CCDC12: variants seen among roughly 807,000 people sequenced by gnomAD.
CCDC12 encodes the protein coiled-coil domain-containing protein 12.
CCDC12 carries 28 observed loss-of-function variants against 25.7 expected under a neutral mutation model. The ratio of observed to expected loss-of-function variants is 1.09; its 90% CI spans 0.81 to 1.50. The LOEUF is 1.50. Among genes scored for constraint, CCDC12 ranks in the 40% most tolerant of loss-of-function variants. The pLI is 0.00. For synonymous variants in CCDC12, 75 were observed against 87.7 expected, an observed-to-expected ratio of 0.86 and a Z score of 0.81; for missense variants, 198 against 210.0, an observed-to-expected ratio of 0.94 and a Z score of 0.35.
chr3:46,925,567 A>T (rs1435576126), intron 2 of CCDC12, 32 bp from the exon 3 acceptor site: 1 of 1,493,960 alleles, frequency 6.7e-7, no homozygotes, highest in Non-Finnish European at 9.1e-7. Flanking sequence ...GCAGAGATGA[A>T]GTCAGTGTGT....
At chr3:46,938,871 T>G (rs1403978604) in intron 2 of CCDC12, among the ~76,000 whole-genome samples, 1 of 151,682 alleles carries the variant, frequency 6.6e-6, no homozygotes, top group Non-Finnish European at 1.5e-5. Context: ...AAAAAAAAAA[T>G]CACACATCAT....
chr3:46,974,479 C>T (rs1477575659), intron 1 of CCDC12, among the ~76,000 whole-genome samples: 7 of 152,310 alleles, frequency 4.6e-5, no homozygotes, highest in African/African-American at 1.7e-4. Flanking sequence ...GCCCCAATAA[C>T]CTGCCCTAAA....
chr3:46,966,256 T>C (rs1222485267), intron 1 of CCDC12: 1 of 152,406 alleles, frequency 6.6e-6, no homozygotes, highest in African/African-American at 2.4e-5. Flanking sequence ...CTCACGCCTA[T>C]AATCCCAACA....
chr3:46,940,286 G>A (rs930383806), intron 2 of CCDC12, among the ~76,000 whole-genome samples: 3 of 152,204 alleles, frequency 2.0e-5, no homozygotes, highest in African/African-American at 7.2e-5. Context: ...CCTCAAGACT[G>A]CGGGGGAAGA....
intron 1 of CCDC12, among the ~76,000 whole-genome samples, chr3:46,969,662 C>A (rs13077120): frequency 1.0e-3 from 154 of 152,314 alleles, no homozygotes; most frequent in South Asian, 1.7e-3. Flanking sequence ...ATGAATATGG[C>A]CAACTTCCAA....
intron 1 of CCDC12, among the ~76,000 whole-genome samples, chr3:46,941,837 C>T (rs1025921044): frequency 3.3e-5 from 5 of 152,294 alleles, no homozygotes; most frequent in Middle Eastern, 6.8e-3. Flanking sequence ...ACCTTTCAGG[C>T]CAGAGTCCTC....
At chr3:46,950,807 C>T (rs2034088564) in intron 1 of CCDC12, among the ~76,000 whole-genome samples, 1 of 151,976 alleles carries the variant, frequency 6.6e-6, no homozygotes, top group Non-Finnish European at 1.5e-5. Context: ...CAATGAAATA[C>T]TATTCAGGCT....
intron 2 of CCDC12, among the ~76,000 whole-genome samples, chr3:46,928,989 CA>C (rs200066639): frequency 2.0e-5 from 3 of 148,162 alleles, no homozygotes; most frequent in African/African-American, 2.5e-5. Context: ...GACCCTGTCT[CA>C]AAAAAAAAGC....
chr3:46,933,254 T>C (rs966724855), intron 2 of CCDC12, among the ~76,000 whole-genome samples: 3 of 152,198 alleles, frequency 2.0e-5, no homozygotes, highest in African/African-American at 7.2e-5. Flanking sequence ...TCCTCAGCCC[T>C]AAAAATTACA....
intron 1 of CCDC12, among the ~76,000 whole-genome samples, chr3:46,972,850 C>T (rs1033334912): frequency 6.6e-6 from 1 of 151,890 alleles, no homozygotes; most frequent in African/African-American, 2.4e-5. Context: ...GCCTTGCACA[C>T]TGCTGCTGGG....
At position 46,941,009 on chromosome 3, in the gene CCDC12, G is replaced by A. The variant is rs550041993; in HGVS notation, c.153C>T (p.Gly51=). Reference sequence around the variant, plus strand: ...CACACGGGCATTACCTGTGCTTCTCGCCTTCTTCCTCCTCTTCTCTGAGAT... The same window carrying A: ...CACACGGGCATTACCTGTGCTTCTCACCTTCTTCCTCCTCTTCTCTGAGAT... The part of the protein sequence containing the change: ...TKHLREEEEE[G]EKHRELRLRN... The change falls in exon 2 of 7, where the codon GGC becomes GGT. Residue 51 remains glycine, a synonymous_variant. Coordinates refer to ENST00000683445, the MANE Select transcript of CCDC12 (RefSeq NM_001277074.2). 1.1e-5 allele frequency: 18 copies of A among 1,614,132 alleles called. No homozygotes were observed. Among genetic ancestry groups the A allele is most frequent in the East Asian group, 4.5e-5 (2 of 44,874 alleles).
chr3:46,955,669 C>G (rs2034268301), intron 1 of CCDC12, among the ~76,000 whole-genome samples: 1 of 152,162 alleles, frequency 6.6e-6, no homozygotes, highest in Admixed American at 6.5e-5. Context: ...CACTGAGAAC[C>G]TGGAGGACAG....
chr3:46,939,567 G>A (rs1234044846), intron 2 of CCDC12, among the ~76,000 whole-genome samples: 1 of 152,180 alleles, frequency 6.6e-6, no homozygotes, highest in Non-Finnish European at 1.5e-5. Flanking sequence ...TGGCAAAGGA[G>A]CAACTAACTG....
chr3:46,958,077 GGCCTTTCCTGA>G (rs1460757169), intron 1 of CCDC12, among the ~76,000 whole-genome samples: 1 of 151,702 alleles, frequency 6.6e-6, no homozygotes, highest in African/African-American at 2.4e-5. Context: ...GTTTGGCCTA[GGCCTTTCCTGA>G]GCCTTGAAGC....
At chr3:46,971,068 T>C (rs969369054) in intron 1 of CCDC12, among the ~76,000 whole-genome samples, 5 of 152,216 alleles carry the variant, frequency 3.3e-5, no homozygotes, top group African/African-American at 1.2e-4. Context: ...TCAAACTCCC[T>C]GGAGCATCTC....
chr3:46,940,186 C>T (rs2033643408), intron 2 of CCDC12, among the ~76,000 whole-genome samples: 1 of 152,216 alleles, frequency 6.6e-6, no homozygotes, highest in African/African-American at 2.4e-5. Flanking sequence ...CTTTGCCTCG[C>T]TCACCCCACA....
chr3:46,931,685 G>A (rs2033222607), intron 2 of CCDC12, among the ~76,000 whole-genome samples: 1 of 152,134 alleles, frequency 6.6e-6, no homozygotes, highest in Non-Finnish European at 1.5e-5. Context: ...CCTCCACCTG[G>A]CCACCCTGGT....
upstream of CCDC12, among the ~76,000 whole-genome samples, chr3:46,980,654 A>G (rs1022851116): frequency 6.6e-5 from 10 of 152,010 alleles, no homozygotes; most frequent in African/African-American, 2.4e-4. Flanking sequence ...TGAGCTCCCC[A>G]CCCATCTCAG....
At chr3:46,976,231 G>T in intron 1 of CCDC12, 1 of 817,850 alleles carries the variant, frequency 1.2e-6, no homozygotes, top group Non-Finnish European at 1.5e-6. Flanking sequence ...TGCCGGACTG[G>T]GGAGTCTGTC....
Sources: allele counts gnomAD v4.1 joint callset (sites outside exome capture counted in the v4.1 genomes callset), GRCh38; gene constraint gnomAD v4.1.1; transcripts MANE v1.5; gene names NCBI Gene and HGNC (gene_info 2026-07-23, HGNC 2026-07-21).